SHC4: variants seen among roughly 807,000 people sequenced by gnomAD.
SHC4 encodes the protein SHC-transforming protein 4.
SHC4 carries 41 observed loss-of-function variants against 69.4 expected under a neutral mutation model. The observed-to-expected ratio is 0.59, with a 90% confidence interval of 0.46 to 0.77. The LOEUF is 0.77. SHC4 is among the 30% of genes least tolerant of loss of function. The pLI is 0.00. For synonymous variants in SHC4, 318 were observed against 299.3 expected, an observed-to-expected ratio of 1.06 and a Z score of -0.64; for missense variants, 777 against 783.8, an observed-to-expected ratio of 0.99 and a Z score of 0.10.
At chr15:48,956,984 T>C (rs1398933388) in intron 1 of SHC4, among the ~76,000 whole-genome samples, 1 of 140,328 alleles carries the variant, frequency 7.1e-6, no homozygotes, top group South Asian at 2.4e-4. Context: ...CTTTTTTTTT[T>C]TTTTTTTTTT....
intron 4 of SHC4, chr15:48,878,897 G>C (rs1458672361): frequency 3.5e-6 from 2 of 566,832 alleles, no homozygotes; most frequent in African/African-American, 3.7e-5. Flanking sequence ...TGACTGCACA[G>C]TTGTGAAAAA....
rs572827953 is a variant in SHC4 at position 48,949,937 on chromosome 15, G to T, written c.585+12494C>A. Among the ~76,000 whole-genome samples the T allele has an allele frequency of 6.6e-3, 920 of 139,608 alleles. 18 individuals carry two copies. The highest frequency in any genetic ancestry group is 0.023 in the African/African-American group (885 of 37,788). 91.6% of individuals were successfully genotyped at this position (139,608 alleles called of 152,430 possible). On this transcript the variant is annotated intron_variant, in intron 1 of 11. Coordinates refer to ENST00000332408, the MANE Select transcript of SHC4 (RefSeq NM_203349.4). Reference sequence around the variant, plus strand: ...AATTTATATAATATATTAATATGCAGATTATATATTATATATAATTTTAAC... The same window carrying T: ...AATTTATATAATATATTAATATGCATATTATATATTATATATAATTTTAAC...
At chr15:48,842,235 G>A (rs1162475742) in intron 10 of SHC4, among the ~76,000 whole-genome samples, 2 of 152,152 alleles carry the variant, frequency 1.3e-5, no homozygotes, top group African/African-American at 4.8e-5. Flanking sequence ...CACAGTACAT[G>A]GGTGAAGAAA....
At chr15:48,866,604 C>T (rs544859550) in intron 6 of SHC4, among the ~76,000 whole-genome samples, 1 of 152,292 alleles carries the variant, frequency 6.6e-6, no homozygotes, top group South Asian at 2.1e-4. Context: ...CACCCATCTG[C>T]CCATGGGATT....
chr15:48,961,619 A>T (rs1322751450), intron 1 of SHC4, among the ~76,000 whole-genome samples: 1 of 152,214 alleles, frequency 6.6e-6, no homozygotes, highest in East Asian at 1.9e-4. Flanking sequence ...AGATCACATA[A>T]TCTTTCCTTT....
intron 1 of SHC4, among the ~76,000 whole-genome samples, chr15:48,931,488 T>C (rs1900963881): frequency 6.6e-6 from 1 of 152,174 alleles, no homozygotes; most frequent in South Asian, 2.1e-4. Context: ...CCTAATTACA[T>C]AAACCAGAAA....
Position 48,932,838 on chromosome 15 carries a change from T to G in SHC4, c.586-7889A>C, listed in dbSNP as rs370308346. On this transcript the variant is annotated intron_variant, in intron 1 of 11. Coordinates refer to ENST00000332408, the MANE Select transcript of SHC4 (RefSeq NM_203349.4). ...GTCCGTATCTCTTTTATAGCAAGAATGGTGTCTGTTTCTTCTTTGTATCCT... is the reference window on the plus strand; with the variant it reads ...GTCCGTATCTCTTTTATAGCAAGAAGGGTGTCTGTTTCTTCTTTGTATCCT... Among the ~76,000 whole-genome samples, 14 of 152,280 alleles carry G rather than the reference T, an allele frequency of 9.2e-5. No individual in the cohort carries two copies. In the East Asian group the frequency reaches 2.5e-3, roughly 27 times the overall value.
chr15:48,897,491 C>G (rs1698522448), intron 2 of SHC4, among the ~76,000 whole-genome samples: 1 of 151,274 alleles, frequency 6.6e-6, no homozygotes, highest in African/African-American at 2.4e-5. Context: ...AGTTAAGCTC[C>G]TCTGGAAGCA....
intron 2 of SHC4, among the ~76,000 whole-genome samples, chr15:48,901,868 A>G (rs915618023): frequency 2.6e-5 from 4 of 152,188 alleles, no homozygotes; most frequent in Non-Finnish European, 5.9e-5. Flanking sequence ...AATGCTAGCC[A>G]TTATTATTGC....
At chr15:48,939,465 T>C (rs1401025805) in intron 1 of SHC4, among the ~76,000 whole-genome samples, 3 of 152,258 alleles carry the variant, frequency 2.0e-5, no homozygotes, top group Non-Finnish European at 4.4e-5. Flanking sequence ...TCCAGGGATA[T>C]GGCTGAGATA....
chr15:48,878,321 G>C (rs746356498), intron 4 of SHC4: 5 of 1,613,544 alleles, frequency 3.1e-6, no homozygotes, highest in African/African-American at 1.3e-5. Context: ...CCGCAGCGGG[G>C]CCCAACAGCT....
chr15:48,911,837 T>A (rs1900514236), intron 2 of SHC4, among the ~76,000 whole-genome samples: 1 of 152,194 alleles, frequency 6.6e-6, no homozygotes, highest in South Asian at 2.1e-4. Context: ...AAAGACTGTA[T>A]CTTTCCTTCA....
chr15:48,936,077 G>A (rs911548944), intron 1 of SHC4, among the ~76,000 whole-genome samples: 6 of 152,186 alleles, frequency 3.9e-5, no homozygotes, highest in African/African-American at 1.4e-4. Context: ...TAGTAGCAGA[G>A]AACAGGGAGT....
intron 4 of SHC4, chr15:48,878,092 A>G: frequency 1.3e-5 from 19 of 1,491,142 alleles, no homozygotes; most frequent in South Asian, 2.8e-5. Flanking sequence ...GCAAGCGCGC[A>G]GCCTTTGCGC....
intron 11 of SHC4, among the ~76,000 whole-genome samples, chr15:48,833,099 T>G (rs1370698459): frequency 1.3e-5 from 2 of 152,174 alleles, no homozygotes; most frequent in African/African-American, 4.8e-5. Flanking sequence ...TTTTTGAGTT[T>G]CATAACTTTG....
At chr15:48,941,173 G>T (rs750365421) in intron 1 of SHC4, among the ~76,000 whole-genome samples, 13 of 152,210 alleles carry the variant, frequency 8.5e-5, no homozygotes. Flanking sequence ...AGTCAGAGAT[G>T]TACAAAGCGA....
At chr15:48,923,675 T>A (rs1473781984) in intron 2 of SHC4, among the ~76,000 whole-genome samples, 8 of 140,172 alleles carry the variant, frequency 5.7e-5, no homozygotes, top group Admixed American at 1.5e-4. Context: ...AGGGTCTTGC[T>A]GTCACCCACA....
At chr15:48,887,003 C>G (rs8023652) in intron 3 of SHC4, among the ~76,000 whole-genome samples, 24,377 of 152,116 alleles carry the variant, frequency 0.16, 2,225 homozygotes, top group East Asian at 0.28. Context: ...ATATCTGGGT[C>G]AATTTATTTG....
intron 2 of SHC4, among the ~76,000 whole-genome samples, chr15:48,909,584 CTACTATG>C (rs1595753550): frequency 6.6e-6 from 1 of 152,092 alleles, no homozygotes; most frequent in Non-Finnish European, 1.5e-5. Context: ...AGGACTTCCA[CTACTATG>C]TTGAAGAGGA....
Sources: gnomAD v4.1 joint callset for allele counts (sites outside exome capture counted in the v4.1 genomes callset) on GRCh38, gnomAD v4.1.1 for gene constraint, MANE v1.5 for transcripts, NCBI Gene and HGNC (gene_info 2026-07-23, HGNC 2026-07-21) for gene names.